The following SYN3 variants were observed in gnomAD, a reference collection of about 807,000 sequenced individuals.
SYN3 encodes the protein synapsin-3.
In SYN3, 35 loss-of-function variants were observed where a neutral mutation model predicts 65.8. The observed-to-expected ratio is 0.53, with a 90% CI of 0.41 to 0.70. The LOEUF (loss-of-function observed/expected upper bound fraction) is 0.70, where lower values mean the gene tolerates loss of function less well. SYN3 is among the 30% of genes least tolerant of loss of function. The pLI is 0.00. For synonymous variants in SYN3, 270 were observed against 292.9 expected, an observed-to-expected ratio of 0.92 and a Z score of 0.80; for missense variants, 680 against 749.0, an observed-to-expected ratio of 0.91 and a Z score of 1.08.
At chr22:32,943,686 C>T (rs2051013217) in intron 3 of SYN3, among the ~76,000 whole-genome samples, 1 of 152,144 alleles carries the variant, frequency 6.6e-6, no homozygotes, top group Non-Finnish European at 1.5e-5. Flanking sequence ...CATCAGTGTG[C>T]TGTATTCAGT....
intron 6 of SYN3, among the ~76,000 whole-genome samples, chr22:32,600,737 G>C (rs1480365465): frequency 6.6e-6 from 1 of 152,002 alleles, no homozygotes; most frequent in Non-Finnish European, 1.5e-5. Context: ...TGCCAGGCTG[G>C]AGTGCAGTGG....
chr22:32,974,794 A>G (rs1008146318), intron 3 of SYN3, among the ~76,000 whole-genome samples: 6 of 152,238 alleles, frequency 3.9e-5, no homozygotes, highest in African/African-American at 1.2e-4. Flanking sequence ...CACCTAATAC[A>G]TGTGCCGGAA....
At chr22:33,022,078 G>C (rs983140124) in intron 1 of SYN3, among the ~76,000 whole-genome samples, 1 of 152,138 alleles carries the variant, frequency 6.6e-6, no homozygotes, top group Non-Finnish European at 1.5e-5. Context: ...AACGAAAATT[G>C]GAATAATGCA....
At chr22:32,659,399 C>A (rs376388675) in intron 6 of SYN3, among the ~76,000 whole-genome samples, 2 of 152,108 alleles carry the variant, frequency 1.3e-5, no homozygotes, top group East Asian at 3.9e-4. Flanking sequence ...ATCTGGGTAA[C>A]CATCACCCAC....
chr22:32,766,709 A>G (rs1390147597), intron 6 of SYN3, among the ~76,000 whole-genome samples: 1 of 152,144 alleles, frequency 6.6e-6, no homozygotes, highest in Non-Finnish European at 1.5e-5. Context: ...TCCCCCAGGT[A>G]CCCAGTCTAG....
chr22:32,519,080 G>T (rs2057829808), intron 12 of SYN3, among the ~76,000 whole-genome samples: 1 of 152,056 alleles, frequency 6.6e-6, no homozygotes, highest in Non-Finnish European at 1.5e-5. Flanking sequence ...AACCAACCCT[G>T]CTAGCACCTT....
At chr22:32,611,786 T>C (rs1170688906) in intron 6 of SYN3, among the ~76,000 whole-genome samples, 2 of 152,156 alleles carry the variant, frequency 1.3e-5, no homozygotes, top group East Asian at 3.9e-4. Context: ...AAAAGCCTTG[T>C]AATTTCCTGA....
At chr22:32,750,487 C>CAG (rs149819016) in intron 6 of SYN3, among the ~76,000 whole-genome samples, 2,570 of 152,268 alleles carry the variant, frequency 0.017, 74 homozygotes, top group African/African-American at 0.056. Flanking sequence ...TGAGAAATAA[C>CAG]GGTGGTGTAC....
intron 6 of SYN3, among the ~76,000 whole-genome samples, chr22:32,773,141 G>A (rs1301611342): frequency 6.6e-6 from 1 of 152,176 alleles, no homozygotes; most frequent in Non-Finnish European, 1.5e-5. Context: ...GGGCGTGGTG[G>A]CTCATGGGTA....
chr22:32,545,701 C>T (rs1213722444), intron 7 of SYN3, among the ~76,000 whole-genome samples: 1 of 152,194 alleles, frequency 6.6e-6, no homozygotes, highest in Non-Finnish European at 1.5e-5. Context: ...GCTGGGACTA[C>T]AGGTGCGTGC....
chr22:32,963,242 ATTTTTTTT>A (rs59829876), intron 3 of SYN3, among the ~76,000 whole-genome samples: 2 of 111,828 alleles, frequency 1.8e-5, no homozygotes, highest in South Asian at 2.9e-4. Flanking sequence ...TGCCTGGCTA[ATTTTTTTT>A]TTTTTTTTTT....
chr22:32,928,673 T>A (rs2050544174), intron 4 of SYN3, among the ~76,000 whole-genome samples: 1 of 152,212 alleles, frequency 6.6e-6, no homozygotes, highest in African/African-American at 2.4e-5. Context: ...TTTATCCGCT[T>A]GAAATTTGCC....
At position 32,790,678 on chromosome 22, in the gene SYN3, C is replaced by T. The variant is rs556521004; in HGVS notation, c.711+74237G>A. Among the ~76,000 whole-genome samples the T allele has an allele frequency of 1.5e-4, 23 of 152,232 alleles. No homozygotes were observed. The South Asian group carries it at 2.3e-3, about 15-fold the overall frequency. ...CTGGCATCAAGTGATTCGCCTGCCTCGGCCTCTCAAAGTGATGGGATTACA... is the reference window on the plus strand; with the variant it reads ...CTGGCATCAAGTGATTCGCCTGCCTTGGCCTCTCAAAGTGATGGGATTACA... On this transcript the variant is annotated intron_variant, in intron 6 of 13. Transcript: ENST00000358763.
chr22:32,576,612 G>A (rs1026754812), intron 7 of SYN3, among the ~76,000 whole-genome samples: 10 of 152,020 alleles, frequency 6.6e-5, no homozygotes, highest in African/African-American at 2.2e-4. Context: ...TAATGGAATC[G>A]TGATAATCTT....
intron 6 of SYN3, among the ~76,000 whole-genome samples, chr22:32,699,310 A>G (rs1310851304): frequency 6.6e-6 from 1 of 152,202 alleles, no homozygotes; most frequent in Non-Finnish European, 1.5e-5. Context: ...AGACCTCCAC[A>G]TGGGCCGTTG....
intron 6 of SYN3, among the ~76,000 whole-genome samples, chr22:32,606,840 TTTA>T (rs2059379137): frequency 6.6e-6 from 1 of 151,476 alleles, no homozygotes; most frequent in Non-Finnish European, 1.5e-5. Flanking sequence ...TAAGTATTTA[TTTA>T]AAAAATAATT....
intron 6 of SYN3, among the ~76,000 whole-genome samples, chr22:32,638,620 G>T (rs1321879941): frequency 1.3e-5 from 2 of 152,148 alleles, no homozygotes; most frequent in African/African-American, 4.8e-5. Flanking sequence ...CTTTTGAGAA[G>T]CATCTGTTAA....
chr22:32,596,870 G>A, intron 6 of SYN3, 134 bp from the exon 7 acceptor site: 2 of 892,918 alleles, frequency 2.2e-6, no homozygotes, highest in South Asian at 1.7e-5. Flanking sequence ...TTCGACAGAT[G>A]GTCACCCAGC....
At chr22:32,642,676 C>T (rs2059919813) in intron 6 of SYN3, among the ~76,000 whole-genome samples, 1 of 152,076 alleles carries the variant, frequency 6.6e-6, no homozygotes, top group Non-Finnish European at 1.5e-5. Context: ...GATCCGCCCG[C>T]CTCGGCCTCC....
Sources: allele counts gnomAD v4.1 joint callset (sites outside exome capture counted in the v4.1 genomes callset), GRCh38; gene constraint gnomAD v4.1.1; transcripts MANE v1.5; gene names NCBI Gene and HGNC (gene_info 2026-07-23, HGNC 2026-07-21).